PHF13: variants seen among roughly 807,000 people sequenced by gnomAD.
PHF13 encodes the protein PHD finger protein 13, also known as PHD zinc finger protein PHF5.
PHF13 carries 1 observed loss-of-function variant against 25.8 expected under a neutral mutation model. That is an observed-to-expected ratio of 0.04 (90% CI 0.01 to 0.18). The LOEUF is 0.18. PHF13 is among the 10% of genes least tolerant of loss of function. The pLI, the probability that PHF13 is intolerant of heterozygous loss-of-function variation, is 1.00. For missense variants in PHF13, 306 were observed against 403.2 expected, an observed-to-expected ratio of 0.76 and a Z score of 2.06; for synonymous variants, 195 against 162.4, an observed-to-expected ratio of 1.20 and a Z score of -1.53.
chr1:6,615,614 G>A (rs1188778557), intron 1 of PHF13, among the ~76,000 whole-genome samples: 1 of 152,208 alleles, frequency 6.6e-6, no homozygotes, highest in Non-Finnish European at 1.5e-5. Flanking sequence ...CGGGAAGGAT[G>A]GGGGTGGGTC....
In PHF13 at chr1:6,616,980, G is replaced by T. The variant is rs1641270853; in HGVS notation, c.141+122G>T. On this transcript the variant is annotated intron_variant, in intron 2 of 3. Transcript: ENST00000377648. ...AGGTTTGGAAGGGGCTGCTTGTGGTGACCCCAGTCACTAGTCTGGCAGAAA... is the reference window on the plus strand; with the variant it reads ...AGGTTTGGAAGGGGCTGCTTGTGGTTACCCCAGTCACTAGTCTGGCAGAAA... 9.5e-6 allele frequency: 7 copies of T among 739,786 alleles called. No individual in the cohort carries two copies. In the South Asian group the frequency reaches 1.1e-4, roughly 11 times the overall value. 45.8% of individuals were successfully genotyped at this position (739,786 alleles called of 1,614,324 possible).
In PHF13 at chr1:6,613,899, A is replaced by G. The variant is rs1641208645; in HGVS notation, c.-168A>G. 1 of 524,950 alleles carries G rather than the reference A, an allele frequency of 1.9e-6. No individual in the cohort carries two copies. The highest frequency in any genetic ancestry group is 3.3e-6 in the Non-Finnish European group (1 of 301,152). 32.5% of individuals were successfully genotyped at this position (524,950 alleles called of 1,614,324 possible). A position where few individuals can be genotyped will look rare whatever the true frequency, so the allele number is the denominator to read the frequency against. Reference sequence around the variant, plus strand: ...GGTGGAACCGCCAGTCCGGGGTCACAGAGCTTGAGAAGCGACGCGCTGAGC... The same window carrying G: ...GGTGGAACCGCCAGTCCGGGGTCACGGAGCTTGAGAAGCGACGCGCTGAGC... On this transcript the variant is annotated 5_prime_UTR_variant, in exon 1 of 4. Transcript: ENST00000377648.
rs1390420242 is a variant in PHF13 at position 6,619,853 on chromosome 1, C to T, written c.192C>T (p.Thr64=). The change falls in exon 3 of 4, where the codon ACC becomes ACT. Residue 64 remains threonine (T), a synonymous_variant. Coordinates refer to ENST00000377648, the MANE Select transcript of PHF13 (RefSeq NM_153812.3). ...SPSPANSTAG[T]IDSDGWDAGF... ...GCCCTGCTAACAGCACTGCTGGTAC[C>T]ATTGACAGCGACGGCTGGGACGCGG... The T allele has an allele frequency of 6.2e-7, 1 of 1,613,462 alleles. No homozygotes were observed. The highest frequency in any genetic ancestry group is 1.7e-5 in the Admixed American group (1 of 59,982).
At position 6,614,021 on chromosome 1, in the gene PHF13, C is replaced by T. The variant is rs752378492; in HGVS notation, c.-46C>T. ...GCCCCGGGCGGCCCCGCTCCAGCATCCCAGCTCCTGCACTCTCGCAGCCGC... is the reference window on the plus strand; with the variant it reads ...GCCCCGGGCGGCCCCGCTCCAGCATTCCAGCTCCTGCACTCTCGCAGCCGC... On this transcript the variant is annotated 5_prime_UTR_variant, in exon 1 of 4. Coordinates refer to ENST00000377648, the MANE Select transcript of PHF13 (RefSeq NM_153812.3). The T allele has an allele frequency of 1.8e-5, 28 of 1,524,952 alleles. No individual in the cohort carries two copies. Among genetic ancestry groups the T allele is most frequent in the Non-Finnish European group, 2.4e-5 (27 of 1,120,628 alleles). The allele number at this position is 1,524,952 out of a possible 1,614,324, so 94.5% of individuals were successfully genotyped here.
intron 1 of PHF13, among the ~76,000 whole-genome samples, chr1:6,615,514 C>T (rs982496762): frequency 7.2e-5 from 11 of 152,148 alleles, no homozygotes; most frequent in East Asian, 3.9e-4. Context: ...CACGCCTGCT[C>T]CTCGCGGCGG....
At position 6,621,214 on chromosome 1, in the gene PHF13, A is replaced by G. The variant is rs1641334264; in HGVS notation, c.677-197A>G. On this transcript the variant is annotated intron_variant, in intron 3 of 3. Coordinates refer to ENST00000377648, the MANE Select transcript of PHF13 (RefSeq NM_153812.3). The surrounding 1 kb of genome is among the most constrained non-coding windows in gnomAD (Gnocchi z 4.8). ...CCCTGTCTTAGGGAAAAAAAAAAAA[A>G]AGTAAGCATCTCCTGGGTAATACCT... Among the ~76,000 whole-genome samples, 1 of 151,716 alleles carries G rather than the reference A, an allele frequency of 6.6e-6. No individual in the cohort carries two copies.
intron 2 of PHF13, among the ~76,000 whole-genome samples, chr1:6,617,379 C>G (rs577179675): frequency 1.2e-4 from 18 of 151,568 alleles, no homozygotes; most frequent in Non-Finnish European, 1.8e-4. Flanking sequence ...AGCTACCGCC[C>G]AGCCGATTTA....
intron 1 of PHF13, chr1:6,614,347 A>G (rs1570220873): frequency 1.7e-5 from 8 of 460,062 alleles, no homozygotes; most frequent in Non-Finnish European, 2.6e-5. Context: ...CCCTTTCCCC[A>G]GGGCCGTTGC....
At chr1:6,615,773 T>C (rs1331883917) in intron 1 of PHF13, among the ~76,000 whole-genome samples, 1 of 152,136 alleles carries the variant, frequency 6.6e-6, no homozygotes, top group Non-Finnish European at 1.5e-5. Flanking sequence ...TGTTTCTAGA[T>C]GGAATGGGGC....
Position 6,621,661 on chromosome 1 carries a change from G to A in PHF13, c.*24G>A, listed in dbSNP as rs762040063. The A allele has an allele frequency of 3.7e-6, 6 of 1,610,920 alleles. No homozygotes were observed. The highest frequency in any genetic ancestry group is 1.7e-5 in the Admixed American group (1 of 60,002). ...GACTGCTGGCTGGCGAGGAGGCTGCGAGCGTGGAATCGGAAGCGACCGCGG... is the reference window on the plus strand; with the variant it reads ...GACTGCTGGCTGGCGAGGAGGCTGCAAGCGTGGAATCGGAAGCGACCGCGG... On this transcript the variant is annotated 3_prime_UTR_variant, in exon 4 of 4. Transcript: ENST00000377648. The surrounding 1 kb of genome is among the most constrained non-coding windows in gnomAD (Gnocchi z 4.8).
chr1:6,614,445 C>G (rs1030875606), intron 1 of PHF13: 1 of 301,536 alleles, frequency 3.3e-6, no homozygotes, highest in Non-Finnish European at 6.2e-6. Flanking sequence ...CGCCGGCCTG[C>G]TTACTCTTTC....
At chr1:6,617,603 A>AT (rs953996025) in intron 2 of PHF13, among the ~76,000 whole-genome samples, 3 of 149,986 alleles carry the variant, frequency 2.0e-5, no homozygotes, top group Non-Finnish European at 4.4e-5. Context: ...AGTTTTTTGT[A>AT]TTTTTACTAG....
At position 6,620,210 on chromosome 1, in the gene PHF13, T is replaced by C. The variant is rs1641318465; in HGVS notation, c.549T>C (p.Thr183=). The C allele has an allele frequency of 6.2e-7, 1 of 1,613,834 alleles. No individual in the cohort carries two copies. The change falls in exon 3 of 4, where the codon ACT becomes ACC. Residue 183 remains threonine, a synonymous_variant. Transcript: ENST00000377648. ...SDTPSSGSCA[T]VSPDQVKEIK... Reference sequence around the variant, plus strand: ...CTCCCTCGAGTGGATCTTGTGCCACTGTGTCACCTGATCAGGTCAAAGAAA... The same window carrying C: ...CTCCCTCGAGTGGATCTTGTGCCACCGTGTCACCTGATCAGGTCAAAGAAA...
chr1:6,621,215 A>C lies in PHF13; in HGVS notation c.677-196A>C, dbSNP rs12034227. On this transcript the variant is annotated intron_variant, in intron 3 of 3. Coordinates refer to ENST00000377648, the MANE Select transcript of PHF13 (RefSeq NM_153812.3). This position sits in a 1 kb window ranked among gnomAD's most constrained non-coding sequence, Gnocchi z 4.8. Reference sequence around the variant, plus strand: ...CCTGTCTTAGGGAAAAAAAAAAAAAAGTAAGCATCTCCTGGGTAATACCTG... The same window carrying C: ...CCTGTCTTAGGGAAAAAAAAAAAAACGTAAGCATCTCCTGGGTAATACCTG... Among the ~76,000 whole-genome samples, 50,037 of 151,066 alleles carry C rather than the reference A, an allele frequency of 0.33. 8,511 individuals are homozygous for C. Among genetic ancestry groups the C allele is most frequent in the South Asian group, 0.47 (2,259 of 4,782 alleles).
rs1037067340 is a variant in PHF13, at chr1:6,622,654, C to G, written c.*1017C>G. 6.6e-6 allele frequency: 1 copy of G among 151,898 alleles called. No homozygotes were observed. The highest frequency in any genetic ancestry group is 6.6e-5 in the Admixed American group (1 of 15,244). The allele number at this position is 151,898 out of a possible 1,614,324, so 9.4% of individuals were successfully genotyped here. On this transcript the variant is annotated 3_prime_UTR_variant, in exon 4 of 4. Coordinates refer to ENST00000377648, the MANE Select transcript of PHF13 (RefSeq NM_153812.3). ...GTGCCCTTTAGACAGGCTGGCCTGC[C>G]GGTTCCACAGGGTACAGTTAGGACT...
rs1449540392 is a variant in PHF13 at position 6,613,779 on chromosome 1, C to T, written c.-288C>T. On this transcript the variant is annotated 5_prime_UTR_variant, in exon 1 of 4. Coordinates refer to ENST00000377648, the MANE Select transcript of PHF13 (RefSeq NM_153812.3). ...CGAACTGGGCGTCAGGTCGGGGAGC[C>T]GGTCGGGTTCCCGCTCACCGCCGCC... 1.3e-5 allele frequency: 4 copies of T among 304,146 alleles called. No individual in the cohort carries two copies. Among genetic ancestry groups the T allele is most frequent in the East Asian group, 7.8e-5 (1 of 12,794 alleles). 18.8% of individuals were successfully genotyped at this position (304,146 alleles called of 1,614,324 possible). A position where few individuals can be genotyped will look rare whatever the true frequency, so the allele number is the denominator to read the frequency against.
At chr1:6,617,158 A>G (rs1267527476) in intron 2 of PHF13, among the ~76,000 whole-genome samples, 2 of 143,982 alleles carry the variant, frequency 1.4e-5, no homozygotes, top group Admixed American at 1.4e-4. Context: ...GCTGGAGTGC[A>G]GTGTCGTAAA....
At position 6,613,767 on chromosome 1, in the gene PHF13, A is replaced by C. The variant is rs1641205729; in HGVS notation, c.-300A>C. 1 of 174,846 alleles carries C rather than the reference A, an allele frequency of 5.7e-6. No homozygotes were observed. Among genetic ancestry groups the C allele is most frequent in the Non-Finnish European group, 1.2e-5 (1 of 86,258 alleles). 10.8% of individuals were successfully genotyped at this position (174,846 alleles called of 1,614,324 possible). ...CGAGACACGAGCCGAACTGGGCGTCAGGTCGGGGAGCCGGTCGGGTTCCCG... is the reference window on the plus strand; with the variant it reads ...CGAGACACGAGCCGAACTGGGCGTCCGGTCGGGGAGCCGGTCGGGTTCCCG... On this transcript the variant is annotated 5_prime_UTR_variant, in exon 1 of 4. Coordinates refer to ENST00000377648, the MANE Select transcript of PHF13 (RefSeq NM_153812.3).
At position 6,614,026 on chromosome 1, in the gene PHF13, C is replaced by G; in HGVS notation, c.-41C>G. Reference sequence around the variant, plus strand: ...GGGCGGCCCCGCTCCAGCATCCCAGCTCCTGCACTCTCGCAGCCGCCGCCG... The same window carrying G: ...GGGCGGCCCCGCTCCAGCATCCCAGGTCCTGCACTCTCGCAGCCGCCGCCG... On this transcript the variant is annotated 5_prime_UTR_variant, in exon 1 of 4. Coordinates refer to ENST00000377648, the MANE Select transcript of PHF13 (RefSeq NM_153812.3). 6.5e-7 allele frequency: 1 copy of G among 1,547,770 alleles called. No individual in the cohort carries two copies. Among genetic ancestry groups the G allele is most frequent in the Non-Finnish European group, 8.8e-7 (1 of 1,138,068 alleles).
Sources: allele counts gnomAD v4.1 joint callset (sites outside exome capture counted in the v4.1 genomes callset), GRCh38; gene constraint gnomAD v4.1.1; non-coding constraint Gnocchi (gnomAD v3.1); transcripts MANE v1.5; gene names NCBI Gene and HGNC (gene_info 2026-07-23, HGNC 2026-07-21).